The following CAMTA1 variants were observed in gnomAD, a reference collection of about 807,000 sequenced individuals.
CAMTA1 encodes the protein calmodulin-binding transcription activator 1.
In CAMTA1, 27 loss-of-function variants were observed where a neutral mutation model predicts 170.9. The ratio of observed to expected loss-of-function variants is 0.16; its 90% CI spans 0.12 to 0.22. CAMTA1 has a LOEUF of 0.22. Ranked by LOEUF, CAMTA1 falls within the 10% of genes least tolerant of loss-of-function variation. The pLI is 1.00. For missense variants in CAMTA1, 1,619 were observed against 2,217.2 expected, an observed-to-expected ratio of 0.73 and a Z score of 5.42; for synonymous variants, 833 against 891.5, an observed-to-expected ratio of 0.93 and a Z score of 1.17.
chr1:7,583,686 G>A (rs1460786851), intron 6 of CAMTA1, among the ~76,000 whole-genome samples: 3 of 152,132 alleles, frequency 2.0e-5, no homozygotes, highest in African/African-American at 4.8e-5. Flanking sequence ...AGACTCTGAG[G>A]GTCGTCTGGA....
chr1:7,552,012 G>A lies in CAMTA1; in HGVS notation c.510+84111G>A, dbSNP rs200511767. ...TCACCAGAATCCTAGAAGTGGGCCT[G>A]TAGGTGAGGAAAGAGAAGCTCAGAG... On this transcript the variant is annotated intron_variant, in intron 6 of 22. Transcript: ENST00000303635. Among the ~76,000 whole-genome samples the A allele has an allele frequency of 3.3e-5, 5 of 152,366 alleles. No individual in the cohort carries two copies. In the East Asian group the frequency reaches 9.6e-4, roughly 29 times the overall value.
At chr1:7,375,354 C>T (rs2086764676) in intron 5 of CAMTA1, among the ~76,000 whole-genome samples, 1 of 152,156 alleles carries the variant, frequency 6.6e-6, no homozygotes, top group South Asian at 2.1e-4. Context: ...TGACCCGAAA[C>T]CACCATTGGC....
At chr1:7,497,213 G>A (rs545973159) in intron 6 of CAMTA1, among the ~76,000 whole-genome samples, 1 of 152,276 alleles carries the variant, frequency 6.6e-6, no homozygotes, top group South Asian at 2.1e-4. Flanking sequence ...GCCCCTGTGA[G>A]GCCCCAATCC....
chr1:7,615,136 A>G (rs1413114474), intron 6 of CAMTA1, among the ~76,000 whole-genome samples: 1 of 152,240 alleles, frequency 6.6e-6, no homozygotes, highest in East Asian at 1.9e-4. Flanking sequence ...GCCATGCATC[A>G]GTTGCAGTCT....
At chr1:7,579,479 C>T (rs1479103321) in intron 6 of CAMTA1, among the ~76,000 whole-genome samples, 1 of 151,360 alleles carries the variant, frequency 6.6e-6, no homozygotes, top group South Asian at 2.1e-4. Flanking sequence ...CCCAAGGTCT[C>T]GGCACCTGGA....
intron 3 of CAMTA1, among the ~76,000 whole-genome samples, chr1:7,074,336 C>T (rs548049065): frequency 6.6e-6 from 1 of 152,188 alleles, no homozygotes; most frequent in East Asian, 1.9e-4. Context: ...AAGATTAAAG[C>T]CATTTTGACT....
At chr1:7,188,319 A>G (rs1480022948) in intron 4 of CAMTA1, among the ~76,000 whole-genome samples, 1 of 152,238 alleles carries the variant, frequency 6.6e-6, no homozygotes, top group African/African-American at 2.4e-5. Flanking sequence ...AATGCACCTA[A>G]CATAACATTT....
chr1:7,594,592 A>G (rs1015938070), intron 6 of CAMTA1, among the ~76,000 whole-genome samples: 2 of 152,192 alleles, frequency 1.3e-5, no homozygotes, highest in African/African-American at 2.4e-5. Context: ...CTGCAGAGCT[A>G]CTGGAAGGCC....
At chr1:7,393,278 T>C (rs2088930030) in intron 5 of CAMTA1, among the ~76,000 whole-genome samples, 1 of 152,060 alleles carries the variant, frequency 6.6e-6, no homozygotes, top group Non-Finnish European at 1.5e-5. Context: ...TTTTGTTTTG[T>C]TTTTGAGGCA....
At chr1:7,203,312 T>C (rs1049322806) in intron 4 of CAMTA1, among the ~76,000 whole-genome samples, 1 of 152,194 alleles carries the variant, frequency 6.6e-6, no homozygotes, top group Non-Finnish European at 1.5e-5. Context: ...AATTTTCTTA[T>C]AATGTTTTTG....
rs1417397578 is a variant in CAMTA1, at chr1:6,887,252, T to C, written c.234+62042T>C. ...GTAAGTAAAAAAATTCTTCCAAAAT[T>C]AGTGTTAATTGAATCTGAGCCTTGA... On this transcript the variant is annotated intron_variant, in intron 3 of 22. Coordinates refer to ENST00000303635, the MANE Select transcript of CAMTA1 (RefSeq NM_015215.4). This position sits in a 1 kb window ranked among gnomAD's most constrained non-coding sequence, Gnocchi z 4.1. Among the ~76,000 whole-genome samples, 1 of 152,214 alleles carries C rather than the reference T, an allele frequency of 6.6e-6. No homozygotes were observed. The highest frequency in any genetic ancestry group is 2.1e-4 in the South Asian group (1 of 4,832).
At chr1:6,963,715 G>T (rs974936635) in intron 3 of CAMTA1, among the ~76,000 whole-genome samples, 5 of 152,210 alleles carry the variant, frequency 3.3e-5, no homozygotes, top group Admixed American at 2.6e-4. Context: ...TGACCTGGCT[G>T]GGGGGGCGCG....
chr1:7,705,730 A>G (rs2096515209), intron 11 of CAMTA1, among the ~76,000 whole-genome samples: 1 of 152,088 alleles, frequency 6.6e-6, no homozygotes, highest in Non-Finnish European at 1.5e-5. Context: ...CGGGTGCGGG[A>G]TCGGGCGACG....
intron 5 of CAMTA1, among the ~76,000 whole-genome samples, chr1:7,404,628 G>A (rs912161753): frequency 6.6e-6 from 1 of 152,130 alleles, no homozygotes; most frequent in East Asian, 1.9e-4. Flanking sequence ...TGAGCTGCAG[G>A]CCCACGTCCG....
At chr1:7,700,925 G>C (rs139312014) in intron 11 of CAMTA1, 1 of 152,162 alleles carries the variant, frequency 6.6e-6, no homozygotes, top group Admixed American at 6.5e-5. Flanking sequence ...TGTGCATCTC[G>C]AACTTTAATC....
chr1:7,011,576 C>T (rs541826457), intron 3 of CAMTA1, among the ~76,000 whole-genome samples: 1 of 152,356 alleles, frequency 6.6e-6, no homozygotes, highest in South Asian at 2.1e-4. Context: ...TCTGGCATCA[C>T]TCTTCTAGAG....
At chr1:7,372,255 A>G (rs2150063788) in intron 5 of CAMTA1, among the ~76,000 whole-genome samples, 1 of 152,266 alleles carries the variant, frequency 6.6e-6, no homozygotes, top group African/African-American at 2.4e-5. Flanking sequence ...TTCGTGCAAT[A>G]TGGGTGAGGC....
chr1:6,929,356 TTTTG>T (rs937296702), intron 3 of CAMTA1, among the ~76,000 whole-genome samples: 9 of 150,062 alleles, frequency 6.0e-5, no homozygotes, highest in South Asian at 2.1e-4. Flanking sequence ...ATTTTTTTTT[TTTTG>T]TTTGTTTGTT....
At chr1:7,255,157 G>A (rs991658765) in intron 5 of CAMTA1, among the ~76,000 whole-genome samples, 1 of 152,258 alleles carries the variant, frequency 6.6e-6, no homozygotes, top group East Asian at 1.9e-4. Flanking sequence ...GGCTAGGAGA[G>A]GGAGAGCATT....
Sources: gnomAD v4.1 joint callset for allele counts (sites outside exome capture counted in the v4.1 genomes callset) on GRCh38, gnomAD v4.1.1 for gene constraint, Gnocchi (gnomAD v3.1) non-coding constraint, MANE v1.5 for transcripts, NCBI Gene and HGNC (gene_info 2026-07-23, HGNC 2026-07-21) for gene names.